CELF2: variants seen among roughly 807,000 people sequenced by gnomAD.
CELF2 encodes the protein CUG triplet repeat RNA-binding protein 2.
Under a neutral mutation model 62.6 loss-of-function variants are expected in CELF2, and 8 were observed. That is an observed-to-expected ratio of 0.13 (90% CI 0.07 to 0.23). The LOEUF is 0.23. Among genes scored for constraint, CELF2 ranks in the 10% least tolerant of loss-of-function variants. The pLI is 1.00. For synonymous variants in CELF2, 258 were observed against 250.0 expected (o/e 1.03, Z -0.30); for missense variants, 333 against 671.0 (o/e 0.50, Z 5.56).
At chr10:11,216,010 G>A (rs544216736) in intron 2 of CELF2, among the ~76,000 whole-genome samples, 3 of 152,170 alleles carry the variant, frequency 2.0e-5, no homozygotes, top group Non-Finnish European at 2.9e-5. Flanking sequence ...TAAGATGCTC[G>A]TGAAAATGGT....
chr10:10,629,039 G>T, the CELF2 span, among the ~76,000 whole-genome samples: 2 of 152,186 alleles, frequency 1.3e-5, no homozygotes, highest in South Asian at 4.2e-4. Flanking sequence ...GAAAGACAGG[G>T]TATTCCACTC....
At chr10:11,215,767 C>A (rs1489551221) in intron 2 of CELF2, among the ~76,000 whole-genome samples, 1 of 152,112 alleles carries the variant, frequency 6.6e-6, no homozygotes, top group African/African-American at 2.4e-5. Context: ...GTATACCAAG[C>A]CTGATGAGGC....
the CELF2 span, among the ~76,000 whole-genome samples, chr10:10,576,145 C>T: frequency 6.6e-6 from 1 of 152,170 alleles, no homozygotes; most frequent in Non-Finnish European, 1.5e-5. Context: ...ATGGCCAGAA[C>T]TGCAAGAGTT....
chr10:11,238,427 A>C (rs1313151206), intron 3 of CELF2, among the ~76,000 whole-genome samples: 1 of 152,256 alleles, frequency 6.6e-6, no homozygotes, highest in African/African-American at 2.4e-5. Context: ...ATTAAAACAT[A>C]GATCTAAGCA....
chr10:10,631,595 G>A, the CELF2 span, among the ~76,000 whole-genome samples: 8 of 152,202 alleles, frequency 5.3e-5, no homozygotes, highest in African/African-American at 1.9e-4. Flanking sequence ...CTTACTGTAT[G>A]TGAGGGAAAG....
the CELF2 span, among the ~76,000 whole-genome samples, chr10:10,550,135 C>G: frequency 6.6e-6 from 1 of 152,136 alleles, no homozygotes; most frequent in African/African-American, 2.4e-5. Flanking sequence ...AGTGGATTGA[C>G]ACATATTTTA....
the CELF2 span, among the ~76,000 whole-genome samples, chr10:10,530,706 G>T: frequency 6.6e-6 from 1 of 152,180 alleles, no homozygotes; most frequent in Admixed American, 6.5e-5. Flanking sequence ...TTGATACCTG[G>T]TTACCTACAA....
intron 1 of CELF2, among the ~76,000 whole-genome samples, chr10:11,044,404 A>T (rs2062433852): frequency 6.6e-6 from 1 of 152,212 alleles, no homozygotes; most frequent in Admixed American, 6.5e-5. Flanking sequence ...GGCATCACTC[A>T]GTCTTTGCTG....
chr10:11,212,553 T>TA (rs1256322959), intron 2 of CELF2, among the ~76,000 whole-genome samples: 1 of 152,186 alleles, frequency 6.6e-6, no homozygotes, highest in Non-Finnish European at 1.5e-5. Flanking sequence ...GAAGAAGTCA[T>TA]CACTAGTGGG....
the CELF2 span, among the ~76,000 whole-genome samples, chr10:10,788,077 G>A: frequency 5.9e-5 from 9 of 152,052 alleles, no homozygotes; most frequent in African/African-American, 1.7e-4. Context: ...TGAAAATGAG[G>A]CCAAAAATGA....
the CELF2 span, among the ~76,000 whole-genome samples, chr10:10,614,737 G>A: frequency 6.6e-6 from 1 of 152,130 alleles, no homozygotes; most frequent in Non-Finnish European, 1.5e-5. Flanking sequence ...GATAAAGCAG[G>A]TTATCCAGGT....
chr10:11,202,978 A>G, intron 2 of CELF2, among the ~76,000 whole-genome samples: 1 of 145,976 alleles, frequency 6.9e-6, no homozygotes, highest in Admixed American at 6.9e-5. Context: ...TGTGTAATCC[A>G]AACAGGCATT....
chr10:11,026,062 A>G (rs762296216), intron 1 of CELF2, among the ~76,000 whole-genome samples: 2 of 87,664 alleles, frequency 2.3e-5, no homozygotes, highest in Non-Finnish European at 6.1e-5. Flanking sequence ...GAGTTAGAGT[A>G]GGAAGAAAAA....
At chr10:10,537,312 G>A in the CELF2 span, among the ~76,000 whole-genome samples, 34 of 152,200 alleles carry the variant, frequency 2.2e-4, no homozygotes, top group East Asian at 4.3e-3. Context: ...CTTTATAACC[G>A]GCCCAGGAAT....
chr10:10,548,903 G>T, the CELF2 span, among the ~76,000 whole-genome samples: 1 of 152,130 alleles, frequency 6.6e-6, no homozygotes, highest in Non-Finnish European at 1.5e-5. Context: ...CTAGACAAGG[G>T]TTAAATTATA....
intron 1 of CELF2, among the ~76,000 whole-genome samples, chr10:11,107,628 T>C (rs976811892): frequency 2.0e-5 from 3 of 152,000 alleles, no homozygotes; most frequent in Admixed American, 6.5e-5. Flanking sequence ...CTCACTTCCA[T>C]TTTAAAGTCT....
the CELF2 span, among the ~76,000 whole-genome samples, chr10:10,750,021 C>A: frequency 1.3e-5 from 2 of 152,208 alleles, no homozygotes; most frequent in African/African-American, 4.8e-5. Context: ...AGGCGGCTCA[C>A]ACCTGTAATC....
the CELF2 span, among the ~76,000 whole-genome samples, chr10:10,696,273 C>T: frequency 6.6e-6 from 1 of 151,902 alleles, no homozygotes; most frequent in East Asian, 1.9e-4. Context: ...TGTGAGGTGT[C>T]AGTGTGCCCC....
At chr10:11,058,152 G>GTA (rs987139293) in intron 1 of CELF2, among the ~76,000 whole-genome samples, 1 of 151,470 alleles carries the variant, frequency 6.6e-6, no homozygotes, top group Admixed American at 6.6e-5. Flanking sequence ...CAGTCGAGTT[G>GTA]TAGTATTTAT....
Sources: gnomAD v4.1 joint callset for allele counts (sites outside exome capture counted in the v4.1 genomes callset) on GRCh38, gnomAD v4.1.1 for gene constraint, MANE v1.5 for transcripts, NCBI Gene and HGNC (gene_info 2026-07-23, HGNC 2026-07-21) for gene names.